VAC14: variants seen among roughly 807,000 people sequenced by gnomAD.
VAC14 encodes the protein protein VAC14 homolog.
A neutral mutation model predicts 85.3 loss-of-function variants in VAC14; 47 were observed. That is an observed-to-expected ratio of 0.55 (90% CI 0.44 to 0.70). VAC14 has a LOEUF of 0.70. Among genes scored for constraint, VAC14 ranks in the 30% least tolerant of loss-of-function variants. VAC14 has a pLI of 0.00. For synonymous variants in VAC14, 447 were observed against 430.5 expected, an observed-to-expected ratio of 1.04 and a Z score of -0.47; for missense variants, 861 against 1,004.3, an observed-to-expected ratio of 0.86 and a Z score of 1.93.
intron 17 of VAC14, 72 bp from the exon 18 acceptor site, chr16:70,693,043 C>A: frequency 6.5e-7 from 1 of 1,532,926 alleles, no homozygotes; most frequent in South Asian, 1.2e-5. Context: ...CACTGCCTGC[C>A]TCCGACTGGC....
rs186700683 is a variant in VAC14 at position 70,765,201 on chromosome 16, A to G, written c.1161-2176T>C. Among the ~76,000 whole-genome samples the G allele has an allele frequency of 1.8e-4, 28 of 152,296 alleles. No homozygotes were observed. In the South Asian group the frequency reaches 2.7e-3, roughly 15 times the overall value. ...GGCTGCCAGGGTCCAGGGTGTCACG[A>G]GGACCCCGTGCCTGGCAAATCACTG... On this transcript the variant is annotated intron_variant, in intron 10 of 18. Transcript: ENST00000261776.
chr16:70,759,762 G>C (rs2032168943), intron 12 of VAC14, among the ~76,000 whole-genome samples: 1 of 152,176 alleles, frequency 6.6e-6, no homozygotes, highest in Non-Finnish European at 1.5e-5. Flanking sequence ...AGGAAATGAG[G>C]AGGAAGATAC....
chr16:70,712,375 CCT>C (rs1221075166), intron 14 of VAC14, among the ~76,000 whole-genome samples: 3 of 152,112 alleles, frequency 2.0e-5, no homozygotes, highest in Non-Finnish European at 4.4e-5. Context: ...CGCCACTGCC[CCT>C]CTGAGCAAAG....
At chr16:70,714,637 T>A (rs768403870) in intron 14 of VAC14, 6 of 152,092 alleles carry the variant, frequency 3.9e-5, no homozygotes, top group Non-Finnish European at 7.3e-5. Flanking sequence ...ATTAGCTGAC[T>A]GAAGCCAGCG....
chr16:70,687,869 G>C lies in VAC14; in HGVS notation c.*59C>G, dbSNP rs1045955838. ...AGGTCCTTGAGCTCCTCGGGAGGGC[G>C]TGACGACCCTTAGTGTTTCATGGGA... is the stretch of plus-strand genomic sequence containing the variant. On this transcript the variant is annotated 3_prime_UTR_variant, in exon 19 of 19. Transcript: ENST00000261776. 7.2e-7 allele frequency: 1 copy of C among 1,395,158 alleles called. No homozygotes were observed. Among genetic ancestry groups the C allele is most frequent in the Non-Finnish European group, 9.4e-7 (1 of 1,064,656 alleles). The allele number at this position is 1,395,158 out of a possible 1,614,324, so 86.4% of individuals were successfully genotyped here. A position where few individuals can be genotyped will look rare whatever the true frequency, so the allele number is the denominator to read the frequency against.
intron 12 of VAC14, 143 bp from the exon 13 acceptor site, chr16:70,744,722 G>T: frequency 2.1e-6 from 2 of 934,458 alleles, no homozygotes. Flanking sequence ...GAGCCACTAA[G>T]GCCACAGCTG....
intron 1 of VAC14, among the ~76,000 whole-genome samples, chr16:70,795,668 G>A: frequency 6.6e-6 from 1 of 152,178 alleles, no homozygotes. Context: ...AGGCAGGGAG[G>A]CGTGATTCAG....
At chr16:70,793,016 A>T (rs1433604971) in intron 1 of VAC14, among the ~76,000 whole-genome samples, 1 of 152,140 alleles carries the variant, frequency 6.6e-6, no homozygotes, top group Non-Finnish European at 1.5e-5. Flanking sequence ...TATCCCTTCA[A>T]CTATGTCACA....
At chr16:70,720,646 C>T (rs1335421065) in intron 14 of VAC14, among the ~76,000 whole-genome samples, 2 of 152,142 alleles carry the variant, frequency 1.3e-5, no homozygotes, top group Non-Finnish European at 2.9e-5. Context: ...AGCCTGGGGG[C>T]AGAAGGGCCC....
rs950017537 is a variant in VAC14 at position 70,702,118 on chromosome 16, C to T, written c.1662-3307G>A. Reference sequence around the variant, plus strand: ...AGGTGCACTGACCCTCCACCCCCTCCGCCAGGCCAGCGCATTCTCTCTGTT... The same window carrying T: ...AGGTGCACTGACCCTCCACCCCCTCTGCCAGGCCAGCGCATTCTCTCTGTT... On this transcript the variant is annotated intron_variant, in intron 14 of 18. Transcript: ENST00000261776. Among the ~76,000 whole-genome samples, 6 of 152,266 alleles carry T rather than the reference C, an allele frequency of 3.9e-5. 1 individual carries two copies. The South Asian group carries it at 1.0e-3, about 26-fold the overall frequency.
intron 10 of VAC14, chr16:70,771,844 G>A (rs1394126553): frequency 4.8e-6 from 2 of 413,678 alleles, no homozygotes; most frequent in East Asian, 4.1e-5. Context: ...GCCTCCCCAA[G>A]TGCTGGGATT....
At chr16:70,690,953 A>C in intron 18 of VAC14, 1 of 985,248 alleles carries the variant, frequency 1.0e-6, no homozygotes, top group East Asian at 1.1e-4. Context: ...AGTAACCAAG[A>C]ACCCAGAGAG....
intron 4 of VAC14, 126 bp downstream of exon 4, chr16:70,784,650 G>T: frequency 1.1e-6 from 1 of 923,184 alleles, no homozygotes. Flanking sequence ...ACACCAGGGA[G>T]TACATGTAAA....
intron 10 of VAC14, among the ~76,000 whole-genome samples, chr16:70,767,728 G>A (rs983157284): frequency 6.6e-6 from 1 of 152,162 alleles, no homozygotes; most frequent in Non-Finnish European, 1.5e-5. Flanking sequence ...GAGTGACTCT[G>A]GGCAAGAAGT....
chr16:70,789,165 A>G (rs1360418354), intron 1 of VAC14, among the ~76,000 whole-genome samples: 1 of 152,238 alleles, frequency 6.6e-6, no homozygotes, highest in Non-Finnish European at 1.5e-5. Flanking sequence ...GAGGACTCAA[A>G]CAGTAACACA....
At chr16:70,773,848 T>G (rs2033376955) in intron 9 of VAC14, among the ~76,000 whole-genome samples, 2 of 152,044 alleles carry the variant, frequency 1.3e-5, no homozygotes, top group South Asian at 4.1e-4. Flanking sequence ...CACTGCAATC[T>G]TCGCCTCCTG....
chr16:70,784,295 G>C, intron 4 of VAC14, 75 bp from the exon 5 acceptor site: 4 of 1,301,300 alleles, frequency 3.1e-6, no homozygotes, highest in Non-Finnish European at 4.4e-6. Flanking sequence ...CACTTGCCCA[G>C]GGCTGGCTCC....
chr16:70,714,562 A>T (rs775056998), intron 14 of VAC14: 4 of 152,166 alleles, frequency 2.6e-5, no homozygotes, highest in African/African-American at 9.7e-5. Flanking sequence ...AGGAAGGAAA[A>T]AGCTGACTCT....
intron 14 of VAC14, among the ~76,000 whole-genome samples, chr16:70,724,680 C>CA (rs2054378389): frequency 6.6e-6 from 1 of 152,210 alleles, no homozygotes; most frequent in Non-Finnish European, 1.5e-5. Context: ...TGCATGGCGA[C>CA]AAAAACACTT....
Sources: gnomAD v4.1 joint callset for allele counts (sites outside exome capture counted in the v4.1 genomes callset) on GRCh38, gnomAD v4.1.1 for gene constraint, MANE v1.5 for transcripts, NCBI Gene and HGNC (gene_info 2026-07-23, HGNC 2026-07-21) for gene names.